OPRM1: variants seen among roughly 807,000 people sequenced by gnomAD.
OPRM1 encodes the protein mu-type opioid receptor.
A neutral mutation model predicts 31.8 loss-of-function variants in OPRM1; 27 were observed. That is an observed-to-expected ratio of 0.85 (90% CI 0.63 to 1.17). The LOEUF is 1.17. Ranked by LOEUF, OPRM1 falls within the 50% of genes most tolerant of loss-of-function variation. The pLI is 0.00. For synonymous variants in OPRM1, 196 were observed against 189.9 expected (o/e 1.03, Z -0.26); for missense variants, 536 against 511.1 (o/e 1.05, Z -0.47).
intron 1 of OPRM1, among the ~76,000 whole-genome samples, chr6:154,059,223 A>G (rs1394932037): frequency 5.3e-5 from 8 of 152,198 alleles, no homozygotes; most frequent in Non-Finnish European, 1.2e-4. Context: ...TTTCCTTCAT[A>G]TTAGGCGGTG....
chr6:154,140,587 C>T lies in OPRM1; in HGVS notation c.1164+49115C>T, dbSNP rs189529041. On this transcript the variant is annotated intron_variant, in intron 3 of 3. Coordinates refer to the OPRM1 transcript ENST00000337049. ...TCAGGTGATCCGCCCGCCTCAACCTCCCAAAGTGCTGGGATTACAGGTGTG... is the reference window on the plus strand; with the variant it reads ...TCAGGTGATCCGCCCGCCTCAACCTTCCAAAGTGCTGGGATTACAGGTGTG... Among the ~76,000 whole-genome samples, 41 of 152,294 alleles carry T rather than the reference C, an allele frequency of 2.7e-4. No homozygotes were observed. The East Asian group carries it at 7.3e-3, about 27-fold the overall frequency.
chr6:154,063,546 T>G (rs1344280993), intron 1 of OPRM1, among the ~76,000 whole-genome samples: 2 of 152,134 alleles, frequency 1.3e-5, no homozygotes, highest in Non-Finnish European at 2.9e-5. Flanking sequence ...AATTCAGTGG[T>G]CTGAAGTACA....
At chr6:154,059,035 C>A (rs1340497461) in intron 1 of OPRM1, among the ~76,000 whole-genome samples, 6 of 152,074 alleles carry the variant, frequency 3.9e-5, no homozygotes, top group East Asian at 1.9e-4. Flanking sequence ...GTTTTCAAAC[C>A]AGTTATTGAG....
At chr6:154,063,139 A>T (rs1282140076) in intron 1 of OPRM1, among the ~76,000 whole-genome samples, 1 of 152,082 alleles carries the variant, frequency 6.6e-6, no homozygotes, top group Non-Finnish European at 1.5e-5. Flanking sequence ...CAAATGCACA[A>T]TGCTAACAAT....
intron 3 of OPRM1, among the ~76,000 whole-genome samples, chr6:154,102,146 C>T (rs370112704): frequency 2.8e-4 from 43 of 151,960 alleles, no homozygotes; most frequent in Admixed American, 1.0e-3. Flanking sequence ...TGCCGTGTTG[C>T]GAGCCTGGTC....
Position 154,086,502 on chromosome 6 carries a change from G to T in OPRM1, c.291-3324G>T, listed in dbSNP as rs567505857. ...ATGTTTTGAAATGTATACACATTGT[G>T]GAATGGCTAGCATGCTAATTAACTA... On this transcript the variant is annotated intron_variant, in intron 1 of 3. Coordinates refer to ENST00000330432, the MANE Select transcript of OPRM1 (RefSeq NM_000914.5). The T allele has an allele frequency of 1.2e-4, 94 of 777,920 alleles. 2 individuals carry two copies. The African/African-American group carries it at 1.7e-3, about 14-fold the overall frequency. The allele number at this position is 777,920 out of a possible 1,614,324, so 48.2% of individuals were successfully genotyped here. A position where few individuals can be genotyped will look rare whatever the true frequency, so the allele number is the denominator to read the frequency against.
chr6:154,040,977 T>C (rs1779936904), intron 1 of OPRM1, among the ~76,000 whole-genome samples: 1 of 152,186 alleles, frequency 6.6e-6, no homozygotes. Flanking sequence ...AGGGTTTTTT[T>C]TTTTAACCAG....
chr6:154,202,871 A>G (rs981143240), intron 3 of OPRM1, among the ~76,000 whole-genome samples: 20 of 152,252 alleles, frequency 1.3e-4, no homozygotes, highest in Non-Finnish European at 4.4e-5. Context: ...GAAAAAAAGA[A>G]ATAGAAGAAA....
chr6:154,092,079 A>AC, intron 3 of OPRM1: 7 of 224,630 alleles, frequency 3.1e-5, no homozygotes, highest in Non-Finnish European at 5.2e-5. Context: ...TTAATATGTG[A>AC]ATATTAATCT....
At chr6:154,202,249 TA>T (rs567418627) in intron 3 of OPRM1, among the ~76,000 whole-genome samples, 7 of 152,116 alleles carry the variant, frequency 4.6e-5, no homozygotes, top group Middle Eastern at 3.4e-3. Context: ...GGCACGTACA[TA>T]AAAAAAATCC....
At chr6:154,146,529 G>A (rs1310938594) in intron 3 of OPRM1, among the ~76,000 whole-genome samples, 1 of 152,240 alleles carries the variant, frequency 6.6e-6, no homozygotes, top group Non-Finnish European at 1.5e-5. Flanking sequence ...AGTACTTTGT[G>A]CATAACATAT....
intron 3 of OPRM1, among the ~76,000 whole-genome samples, chr6:154,102,918 C>CAA (rs58694186): frequency 0.01 from 817 of 80,708 alleles, 11 homozygotes; most frequent in African/African-American, 0.025. Flanking sequence ...TAACCAGTTG[C>CAA]AAAAAAAAAA....
At chr6:154,083,059 A>C (rs1313849626) in intron 1 of OPRM1, among the ~76,000 whole-genome samples, 1 of 152,218 alleles carries the variant, frequency 6.6e-6, no homozygotes, top group Admixed American at 6.5e-5. Context: ...AAATTTTCAG[A>C]AATCGAATAA....
chr6:154,238,267 A>T (rs1688103117), intron 3 of OPRM1, among the ~76,000 whole-genome samples: 1 of 151,900 alleles, frequency 6.6e-6, no homozygotes, highest in Non-Finnish European at 1.5e-5. Context: ...TTATTTATTT[A>T]TTTTTTAGAT....
rs1008229393 is a variant in OPRM1 at position 154,123,855 on chromosome 6, G to C, written c.*5134G>C. Among the ~76,000 whole-genome samples, 1 of 152,146 alleles carries C rather than the reference G, an allele frequency of 6.6e-6. No homozygotes were observed. The highest frequency in any genetic ancestry group is 1.5e-5 in the Non-Finnish European group (1 of 68,016). On this transcript the variant is annotated 3_prime_UTR_variant, in exon 4 of 4. Coordinates refer to ENST00000330432, the MANE Select transcript of OPRM1 (RefSeq NM_000914.5). ...CAGAGGTAACTTTCATTGCCATCTT[G>C]GTTTTAGTGGGGTTTGGCCGGCTTC...
At chr6:154,024,143 A>G (rs1459943732) in intron 1 of OPRM1, among the ~76,000 whole-genome samples, 1 of 151,984 alleles carries the variant, frequency 6.6e-6, no homozygotes, top group Non-Finnish European at 1.5e-5. Context: ...ATGTTTGGTA[A>G]AATTCAGTAA....
At chr6:154,021,728 GT>G (rs928456718) in intron 1 of OPRM1, among the ~76,000 whole-genome samples, 45 of 152,262 alleles carry the variant, frequency 3.0e-4, no homozygotes, top group African/African-American at 1.1e-3. Context: ...ATGGGATTTT[GT>G]TTTTAATTTC....
intron 3 of OPRM1, among the ~76,000 whole-genome samples, chr6:154,224,970 C>T (rs1214154075): frequency 6.6e-6 from 1 of 152,130 alleles, no homozygotes; most frequent in Non-Finnish European, 1.5e-5. Context: ...TGTGGATTCT[C>T]AATCCGCCTT....
Position 154,200,155 on chromosome 6 carries a change from T to A in OPRM1, c.1165-46538T>A, listed in dbSNP as rs976144985. The A allele has an allele frequency of 4.3e-6, 4 of 928,932 alleles. No individual in the cohort carries two copies. The African/African-American group carries it at 5.0e-5, about 12-fold the overall frequency. The allele number at this position is 928,932 out of a possible 1,614,324, so 57.5% of individuals were successfully genotyped here. On this transcript the variant is annotated intron_variant, in intron 3 of 3. Transcript: ENST00000337049. ...CCGTGTTATTTCAAAAAGTGACCAA[T>A]AATAAAAGAGTCAAAAGGTAAAGAT...
Sources: allele counts gnomAD v4.1 joint callset (sites outside exome capture counted in the v4.1 genomes callset), GRCh38; gene constraint gnomAD v4.1.1; transcripts MANE v1.5; gene names NCBI Gene and HGNC (gene_info 2026-07-23, HGNC 2026-07-21).